The following PAM variants were observed in gnomAD, a reference collection of about 807,000 sequenced individuals.
The protein encoded by PAM is peptidylglycine alpha-amidating monooxygenase, also known as peptidyl-glycine alpha-amidating monooxygenase.
PAM carries 72 observed loss-of-function variants against 122.1 expected under a neutral mutation model. That is an observed-to-expected ratio of 0.59 (90% CI 0.49 to 0.72). The LOEUF (loss-of-function observed/expected upper bound fraction) is 0.72, where lower values mean the gene tolerates loss of function less well. Among genes scored for constraint, PAM ranks in the 30% least tolerant of loss-of-function variants. PAM has a pLI of 0.00. For synonymous variants in PAM, 389 were observed against 404.4 expected (o/e 0.96, Z 0.46); for missense variants, 1,106 against 1,183.7 (o/e 0.93, Z 0.96).
intron 1 of PAM, among the ~76,000 whole-genome samples, chr5:102,797,666 G>T (rs944948826): frequency 6.6e-6 from 1 of 152,126 alleles, no homozygotes; most frequent in African/African-American, 2.4e-5. Flanking sequence ...GGAAAGAGAA[G>T]AGAAAATTGG....
At chr5:102,970,088 G>A (rs1765356835) in intron 14 of PAM, among the ~76,000 whole-genome samples, 1 of 151,996 alleles carries the variant, frequency 6.6e-6, no homozygotes, top group Non-Finnish European at 1.5e-5. Flanking sequence ...TATTAGCATT[G>A]GCAATTAGGA....
intron 16 of PAM, among the ~76,000 whole-genome samples, chr5:102,999,310 A>G (rs1411460729): frequency 2.0e-5 from 3 of 152,218 alleles, no homozygotes; most frequent in Non-Finnish European, 4.4e-5. Context: ...CAGTGATGCA[A>G]GAGGTGGGCT....
At chr5:102,784,408 G>A (rs1363804239) in intron 1 of PAM, among the ~76,000 whole-genome samples, 2 of 152,104 alleles carry the variant, frequency 1.3e-5, no homozygotes, top group South Asian at 2.1e-4. Context: ...CCTTGGCACC[G>A]TAAGCTTGGA....
chr5:102,856,792 A>T (rs527778673), intron 1 of PAM, among the ~76,000 whole-genome samples: 1 of 152,170 alleles, frequency 6.6e-6, no homozygotes, highest in Non-Finnish European at 1.5e-5. Context: ...TTTTCAGCAT[A>T]TATGTTCTAA....
chr5:102,840,272 T>C (rs1778225328), intron 1 of PAM, among the ~76,000 whole-genome samples: 1 of 152,182 alleles, frequency 6.6e-6, no homozygotes, highest in Non-Finnish European at 1.5e-5. Flanking sequence ...ATAATCTTTG[T>C]TTCCATTCAA....
chr5:102,843,493 GA>G (rs2150603329), intron 1 of PAM, among the ~76,000 whole-genome samples: 1 of 152,212 alleles, frequency 6.6e-6, no homozygotes, highest in South Asian at 2.1e-4. Context: ...TCCATAAAAA[GA>G]AAAACTAGTA....
intron 1 of PAM, among the ~76,000 whole-genome samples, chr5:102,828,433 G>A (rs1774323769): frequency 6.6e-6 from 1 of 152,026 alleles, no homozygotes; most frequent in Non-Finnish European, 1.5e-5. Flanking sequence ...ATGGCTTCTG[G>A]TCCTATGAAT....
At chr5:102,901,545 C>A in intron 4 of PAM, 132 bp downstream of exon 4, 2 of 631,148 alleles carry the variant, frequency 3.2e-6, no homozygotes, top group South Asian at 1.9e-5. Flanking sequence ...ATTTATCATG[C>A]CTAATGCAGA....
rs1172129293 is a variant in PAM, at chr5:103,006,832, G to A, written c.1835G>A (p.Gly612Asp). 3.7e-6 allele frequency: 6 copies of A among 1,613,270 alleles called. No homozygotes were observed. Among genetic ancestry groups the A allele is most frequent in the Non-Finnish European group, 4.2e-6 (5 of 1,179,362 alleles). ...VFKLDPNNKE[G>D]PVLILGRSMQ... ...AAACTGGATCCAAACAATAAAGAAG[G>A]CCCTGTATTAATCCTGGGAAGGAGC... The change falls in exon 19 of 26, where the codon GGC becomes GAC. Residue 612 changes from glycine (G) to aspartate (D), a missense_variant. Coordinates refer to ENST00000438793, the MANE Select transcript of PAM (RefSeq NM_001177306.2).
intron 14 of PAM, among the ~76,000 whole-genome samples, chr5:102,971,326 A>G (rs950118335): frequency 3.1e-4 from 47 of 152,226 alleles, no homozygotes; most frequent in African/African-American, 1.1e-3. Context: ...TTAAATCTAC[A>G]AAGTAATTTC....
intron 1 of PAM, among the ~76,000 whole-genome samples, chr5:102,785,896 G>A (rs1053558556): frequency 6.6e-6 from 1 of 151,926 alleles, no homozygotes; most frequent in Admixed American, 6.5e-5. Flanking sequence ...GGTTATATAT[G>A]TACTAAATTA....
At chr5:102,891,692 T>A (rs962728228) in intron 3 of PAM, among the ~76,000 whole-genome samples, 1 of 151,888 alleles carries the variant, frequency 6.6e-6, no homozygotes, top group African/African-American at 2.4e-5. Context: ...TCAGGCTTGC[T>A]AAACTGGGAA....
intron 18 of PAM, among the ~76,000 whole-genome samples, chr5:103,006,111 A>AT (rs1177289677): frequency 1.3e-5 from 2 of 151,872 alleles, no homozygotes; most frequent in Non-Finnish European, 2.9e-5. Flanking sequence ...ATTTTTTTAA[A>AT]TTTTTTGTAG....
At chr5:102,974,488 G>A (rs553449792) in intron 15 of PAM, 52 bp downstream of exon 15, 20 of 1,200,488 alleles carry the variant, frequency 1.7e-5, no homozygotes, top group South Asian at 5.7e-5. Flanking sequence ...TACAATCCAC[G>A]TTAGCAAAAC....
intron 2 of PAM, among the ~76,000 whole-genome samples, 162 bp from the exon 3 acceptor site, chr5:102,867,110 TC>T (rs1785836096): frequency 6.6e-6 from 1 of 152,142 alleles, no homozygotes; most frequent in South Asian, 2.1e-4. Context: ...AAAATGAAAA[TC>T]TGAGTATGTT....
chr5:102,966,616 G>A (rs1037878514), intron 14 of PAM, among the ~76,000 whole-genome samples: 24 of 152,070 alleles, frequency 1.6e-4, no homozygotes, highest in Non-Finnish European at 3.1e-4. Context: ...ACTTTAACCC[G>A]AAGGGAAAAT....
chr5:102,821,549 G>A (rs1051265857), intron 1 of PAM, among the ~76,000 whole-genome samples: 2 of 152,124 alleles, frequency 1.3e-5, no homozygotes, highest in Non-Finnish European at 2.9e-5. Flanking sequence ...CATATAATAT[G>A]GATCTCCAGA....
intron 7 of PAM, among the ~76,000 whole-genome samples, chr5:102,927,989 G>C (rs1051723500): frequency 1.3e-5 from 2 of 152,144 alleles, no homozygotes; most frequent in Non-Finnish European, 2.9e-5. Flanking sequence ...AACAAAGACA[G>C]AGATTATCTG....
intron 1 of PAM, among the ~76,000 whole-genome samples, chr5:102,786,379 T>A (rs1244995842): frequency 1.3e-5 from 2 of 152,228 alleles, no homozygotes; most frequent in Non-Finnish European, 2.9e-5. Flanking sequence ...TAAAAGTACT[T>A]TGAATAGCGC....
Sources: gnomAD v4.1 joint callset for allele counts (sites outside exome capture counted in the v4.1 genomes callset) on GRCh38, gnomAD v4.1.1 for gene constraint, MANE v1.5 for transcripts, NCBI Gene and HGNC (gene_info 2026-07-23, HGNC 2026-07-21) for gene names.